TEX11: variants seen among roughly 807,000 people sequenced by gnomAD.
TEX11 encodes the protein testis-expressed protein 11.
A neutral mutation model predicts 84.4 loss-of-function variants in TEX11; 7 were observed. That is an observed-to-expected ratio of 0.08 (90% CI 0.05 to 0.16). The LOEUF is 0.16. Among genes scored for constraint, TEX11 ranks in the 10% least tolerant of loss-of-function variants. TEX11 has a pLI of 1.00. For missense variants in TEX11, 551 were observed against 660.5 expected, an observed-to-expected ratio of 0.83 and a Z score of 1.82; for synonymous variants, 264 against 222.8, an observed-to-expected ratio of 1.18 and a Z score of -1.64.
At chrX:70,577,942 G>T (rs1569337269) in intron 25 of TEX11, among the ~76,000 whole-genome samples, 2 of 110,748 alleles carry the variant, frequency 1.8e-5, no homozygotes, top group Non-Finnish European at 3.8e-5. Flanking sequence ...TGGCCAAGCT[G>T]GTCTCGAACT....
At chrX:70,839,171 C>G (rs1440507275) in intron 7 of TEX11, among the ~76,000 whole-genome samples, 1 of 112,108 alleles carries the variant, frequency 8.9e-6, no homozygotes, top group Non-Finnish European at 1.9e-5. Context: ...AGCTTGAGAT[C>G]TGGGAACGGG....
At chrX:70,570,854 T>G (rs1468012814) in intron 25 of TEX11, among the ~76,000 whole-genome samples, 2 of 111,756 alleles carry the variant, frequency 1.8e-5, no homozygotes, top group Non-Finnish European at 1.9e-5. Flanking sequence ...AATATCCTTT[T>G]TATTGTGATT....
intron 2 of TEX11, among the ~76,000 whole-genome samples, chrX:70,906,083 AAAAAAAAATATATATATATATATAT>A (rs2091830593): frequency 6.6e-5 from 1 of 15,165 alleles, no homozygotes; most frequent in Non-Finnish European, 9.6e-5. Flanking sequence ...AAAAAAAAAA[AAAAAAAAATATATATATATATATAT>A]ATATATATAT....
At chrX:70,885,393 G>A (rs1476135611) in intron 2 of TEX11, among the ~76,000 whole-genome samples, 1 of 112,063 alleles carries the variant, frequency 8.9e-6, no homozygotes, top group Non-Finnish European at 1.9e-5. Context: ...CTGAGGTCAA[G>A]AGAGCAATGC....
At chrX:70,776,061 AAAC>A (rs200444764) in intron 9 of TEX11, among the ~76,000 whole-genome samples, 1 of 81,892 alleles carries the variant, frequency 1.2e-5, no homozygotes. Context: ...GAAAAAAAAA[AAAC>A]AAACTTATAA....
intron 25 of TEX11, among the ~76,000 whole-genome samples, chrX:70,582,544 G>T (rs1395343425): frequency 9.0e-6 from 1 of 110,881 alleles, no homozygotes; most frequent in Non-Finnish European, 1.9e-5. Flanking sequence ...AATCTGCCTA[G>T]ATAGCAGACT....
chrX:70,543,607 T>C (rs1333883186), intron 28 of TEX11, among the ~76,000 whole-genome samples: 1 of 112,374 alleles, frequency 8.9e-6, no homozygotes, highest in African/African-American at 3.2e-5. Flanking sequence ...ATGTCCAATG[T>C]TGAAGTTTTT....
At chrX:70,558,330 T>A (rs1384343260) in intron 25 of TEX11, among the ~76,000 whole-genome samples, 2 of 111,358 alleles carry the variant, frequency 1.8e-5, no homozygotes, top group East Asian at 5.6e-4. Context: ...GAAAGGATAG[T>A]CTTTTAATCA....
intron 9 of TEX11, among the ~76,000 whole-genome samples, chrX:70,774,952 T>C (rs1013674230): frequency 8.9e-6 from 1 of 111,752 alleles, no homozygotes; most frequent in Non-Finnish European, 1.9e-5. Flanking sequence ...ACTCAAAATA[T>C]ATTACAAACC....
intron 7 of TEX11, among the ~76,000 whole-genome samples, chrX:70,845,018 G>A (rs188746779): frequency 2.8e-4 from 31 of 111,480 alleles, no homozygotes; most frequent in African/African-American, 8.5e-4. Flanking sequence ...TTACCTAAAA[G>A]CTCAAACTTT....
At chrX:70,729,807 A>G in intron 11 of TEX11, among the ~76,000 whole-genome samples, 1 of 110,870 alleles carries the variant, frequency 9.0e-6, no homozygotes, top group Non-Finnish European at 1.9e-5. Flanking sequence ...AAATACAGAG[A>G]ACGCCACAAA....
At chrX:70,711,786 T>C (rs2090436982) in intron 13 of TEX11, among the ~76,000 whole-genome samples, 1 of 111,597 alleles carries the variant, frequency 9.0e-6, no homozygotes, top group South Asian at 3.7e-4. Context: ...AGAAGCTCTT[T>C]AGTTTAATTA....
chrX:70,701,603 A>C (rs934890563), intron 13 of TEX11, among the ~76,000 whole-genome samples: 1 of 112,365 alleles, frequency 8.9e-6, no homozygotes, highest in East Asian at 2.8e-4. Flanking sequence ...GGAGTAATTT[A>C]GACTTTCAAG....
intron 9 of TEX11, among the ~76,000 whole-genome samples, chrX:70,774,142 C>T (rs978229410): frequency 1.1e-4 from 12 of 110,179 alleles, no homozygotes; most frequent in Non-Finnish European, 2.3e-4. Context: ...AAGCCCAGCC[C>T]ACAACAGACT....
chrX:70,660,208 A>C (rs1387380533), intron 16 of TEX11, among the ~76,000 whole-genome samples: 1 of 111,885 alleles, frequency 8.9e-6, no homozygotes, highest in Non-Finnish European at 1.9e-5. Context: ...TGCTGAGTGA[A>C]TGTGAAGGCC....
At chrX:70,643,806 A>G (rs1038734108) in intron 17 of TEX11, among the ~76,000 whole-genome samples, 1 of 109,178 alleles carries the variant, frequency 9.2e-6, no homozygotes, top group Non-Finnish European at 1.9e-5. Flanking sequence ...TCGACCTAAA[A>G]CCATAAAAAC....
intron 25 of TEX11, among the ~76,000 whole-genome samples, chrX:70,587,992 T>C (rs2088876903): frequency 8.9e-6 from 1 of 112,652 alleles, no homozygotes; most frequent in South Asian, 3.7e-4. Context: ...GCTTGGGGCC[T>C]GTAGCCCCTT....
At chrX:70,576,617 A>T (rs1212644686) in intron 25 of TEX11, among the ~76,000 whole-genome samples, 1 of 112,252 alleles carries the variant, frequency 8.9e-6, no homozygotes, top group Non-Finnish European at 1.9e-5. Flanking sequence ...TGCATTCATA[A>T]ATATATATAC....
intron 9 of TEX11, among the ~76,000 whole-genome samples, chrX:70,805,406 CTT>C (rs776518885): frequency 1.0e-4 from 10 of 99,543 alleles, no homozygotes; most frequent in Non-Finnish European, 1.2e-4. Context: ...ATTTTTTTTT[CTT>C]TTTTTTTTTT....
Sources: gnomAD v4.1 joint callset for allele counts (sites outside exome capture counted in the v4.1 genomes callset) on GRCh38, gnomAD v4.1.1 for gene constraint, MANE v1.5 for transcripts, NCBI Gene and HGNC (gene_info 2026-07-23, HGNC 2026-07-21) for gene names.